Variants in SLCO3A1 observed in about 807,000 individuals in gnomAD.
The protein encoded by SLCO3A1 is PGE1 transporter.
SLCO3A1 carries 27 observed loss-of-function variants against 63.1 expected under a neutral mutation model. That is an observed-to-expected ratio of 0.43 (90% CI 0.32 to 0.59). SLCO3A1 has a LOEUF of 0.59. Among genes scored for constraint, SLCO3A1 ranks in the 20% least tolerant of loss-of-function variants. The probability of loss-of-function intolerance (pLI) is 0.09; values close to 1 mark genes in which losing one functional copy is unlikely to be tolerated. For missense variants in SLCO3A1, 773 were observed against 945.8 expected, an observed-to-expected ratio of 0.82 and a Z score of 2.40; for synonymous variants, 473 against 409.9, an observed-to-expected ratio of 1.15 and a Z score of -1.86.
At chr15:92,046,457 G>A (rs1384112522) in intron 2 of SLCO3A1, among the ~76,000 whole-genome samples, 1 of 152,088 alleles carries the variant, frequency 6.6e-6, no homozygotes, top group Non-Finnish European at 1.5e-5. Context: ...TTGAACCCAG[G>A]AGGCGGAGGT....
intron 2 of SLCO3A1, among the ~76,000 whole-genome samples, chr15:91,927,346 A>G (rs1341615701): frequency 6.6e-6 from 1 of 151,886 alleles, no homozygotes; most frequent in African/African-American, 2.4e-5. Flanking sequence ...TGGCACTTGG[A>G]TCATTAATAG....
intron 4 of SLCO3A1, among the ~76,000 whole-genome samples, chr15:92,112,355 A>G (rs2047739424): frequency 6.6e-6 from 1 of 152,220 alleles, no homozygotes; most frequent in African/African-American, 2.4e-5. Flanking sequence ...TGAATGAGTT[A>G]TTGAAAGCCT....
At chr15:92,044,743 A>C (rs2151490329) in intron 2 of SLCO3A1, among the ~76,000 whole-genome samples, 1 of 152,252 alleles carries the variant, frequency 6.6e-6, no homozygotes, top group South Asian at 2.1e-4. Context: ...CATCAAGTCC[A>C]GCCTGTCTGA....
intron 1 of SLCO3A1, among the ~76,000 whole-genome samples, chr15:91,889,721 A>G (rs945889258): frequency 3.3e-5 from 5 of 152,264 alleles, no homozygotes; most frequent in African/African-American, 1.2e-4. Flanking sequence ...CAACCAGGCC[A>G]TTAAGGTGAA....
chr15:91,951,320 C>T (rs369858406), intron 2 of SLCO3A1, among the ~76,000 whole-genome samples: 3 of 152,140 alleles, frequency 2.0e-5, no homozygotes, highest in Admixed American at 6.5e-5. Flanking sequence ...CAGTGCAATA[C>T]GTGGTGTTTT....
intron 2 of SLCO3A1, among the ~76,000 whole-genome samples, chr15:92,005,410 C>A (rs1041588060): frequency 1.3e-5 from 2 of 152,232 alleles, no homozygotes; most frequent in African/African-American, 4.8e-5. Context: ...GTCTATCTGT[C>A]ACTGCGATCT....
At chr15:91,919,371 C>G (rs938923611) in intron 2 of SLCO3A1, among the ~76,000 whole-genome samples, 1 of 152,188 alleles carries the variant, frequency 6.6e-6, no homozygotes, top group Non-Finnish European at 1.5e-5. Context: ...TGGGAGGGAG[C>G]CAAGGGAGCT....
intron 3 of SLCO3A1, 104 bp downstream of exon 3, chr15:92,095,083 T>C: frequency 1.4e-6 from 1 of 732,298 alleles, no homozygotes; most frequent in Non-Finnish European, 2.4e-6. Flanking sequence ...TAAGAGACAG[T>C]CTTGATGCCC....
At chr15:92,150,195 G>T (rs1013910805) in intron 8 of SLCO3A1, among the ~76,000 whole-genome samples, 1 of 152,148 alleles carries the variant, frequency 6.6e-6, no homozygotes, top group Admixed American at 6.5e-5. Flanking sequence ...AAAGATGTAG[G>T]TTGGAAGGCT....
chr15:92,006,334 G>A (rs895812779), intron 2 of SLCO3A1, among the ~76,000 whole-genome samples: 1 of 152,178 alleles, frequency 6.6e-6, no homozygotes, highest in African/African-American at 2.4e-5. Context: ...CATGACATAA[G>A]CTACAGCTTC....
intron 4 of SLCO3A1, among the ~76,000 whole-genome samples, chr15:92,110,873 C>CGTGG (rs2047720491): frequency 1.3e-5 from 1 of 77,424 alleles, no homozygotes; most frequent in African/African-American, 4.1e-5. Flanking sequence ...TTGACCAATC[C>CGTGG]ATAGACTTGG....
chr15:92,095,561 A>G (rs558568360), intron 3 of SLCO3A1, among the ~76,000 whole-genome samples: 50 of 152,362 alleles, frequency 3.3e-4, no homozygotes, highest in African/African-American at 1.2e-3. Flanking sequence ...TGCATTTCTC[A>G]GAATACCCTG....
intron 2 of SLCO3A1, among the ~76,000 whole-genome samples, chr15:91,998,935 A>G (rs1358753158): frequency 6.6e-6 from 1 of 152,258 alleles, no homozygotes; most frequent in Non-Finnish European, 1.5e-5. Flanking sequence ...GTGCATATAC[A>G]TCATAGAATA....
rs182484423 is a variant in SLCO3A1 at position 91,886,473 on chromosome 15, T to C, written c.181-29520T>C. On this transcript the variant is annotated intron_variant, in intron 1 of 9. Transcript: ENST00000318445. The surrounding 1 kb of genome is among the most constrained non-coding windows in gnomAD (Gnocchi z 4.9). Reference sequence around the variant, plus strand: ...GTGTGAAGTCCTCAGCAGTGCTCCATGCCTAGAAGGCCCCAGTGAGCATTG... The same window carrying C: ...GTGTGAAGTCCTCAGCAGTGCTCCACGCCTAGAAGGCCCCAGTGAGCATTG... 4.8e-4 allele frequency among the ~76,000 whole-genome samples: 73 copies of C among 152,318 alleles called. No individual in the cohort carries two copies. The East Asian group carries it at 0.013, about 28-fold the overall frequency.
intron 2 of SLCO3A1, among the ~76,000 whole-genome samples, chr15:91,944,266 A>G (rs1368173522): frequency 6.6e-6 from 1 of 152,066 alleles, no homozygotes; most frequent in Non-Finnish European, 1.5e-5. Flanking sequence ...CTAAGATGTA[A>G]GCTGCCTTAG....
intron 3 of SLCO3A1, 89 bp downstream of exon 3, chr15:92,095,068 C>T (rs1261121965): frequency 2.3e-6 from 2 of 883,466 alleles, no homozygotes; most frequent in Non-Finnish European, 3.8e-6. Context: ...CTAAAACCTT[C>T]TTGCTAAGAG....
At chr15:91,893,188 A>G (rs1897915629) in intron 1 of SLCO3A1, among the ~76,000 whole-genome samples, 1 of 152,200 alleles carries the variant, frequency 6.6e-6, no homozygotes, top group Admixed American at 6.5e-5. Context: ...ATGATTAAAG[A>G]GCTGCATTTT....
At chr15:92,147,643 G>C (rs542979596) in intron 8 of SLCO3A1, among the ~76,000 whole-genome samples, 132 of 152,286 alleles carry the variant, frequency 8.7e-4, no homozygotes, top group Non-Finnish European at 1.7e-3. Context: ...CAAACACATA[G>C]AGACTTGACG....
rs1314969722 is a variant in SLCO3A1, at chr15:92,148,987, AG to A, written c.1688+1829del. ...ATAGGTTTTAGGTGGCTGCCTTATG[AG>A]TAGTTTATTTTTCATTATTAGACGT... On this transcript the variant is annotated intron_variant, in intron 8 of 9. Transcript: ENST00000318445. 2.6e-5 allele frequency: 4 copies of A among 152,332 alleles called. No homozygotes were observed. The East Asian group carries it at 7.7e-4, about 29-fold the overall frequency. The allele number at this position is 152,332 out of a possible 1,614,324, so 9.4% of individuals were successfully genotyped here.
Sources: allele counts gnomAD v4.1 joint callset (sites outside exome capture counted in the v4.1 genomes callset), GRCh38; gene constraint gnomAD v4.1.1; non-coding constraint Gnocchi (gnomAD v3.1); transcripts MANE v1.5; gene names NCBI Gene and HGNC (gene_info 2026-07-23, HGNC 2026-07-21).